The following VPS37A variants were observed in gnomAD, a reference collection of about 807,000 sequenced individuals.
VPS37A encodes VPS37A subunit of ESCRT-I, also known as vacuolar protein sorting-associated protein 37A.
VPS37A carries 30 observed loss-of-function variants against 49.8 expected under a neutral mutation model. The observed-to-expected ratio is 0.60, with a 90% CI of 0.45 to 0.82. The LOEUF (loss-of-function observed/expected upper bound fraction) is 0.82. Among genes scored for constraint, VPS37A ranks in the 40% least tolerant of loss-of-function variants. The pLI, the probability that VPS37A is intolerant of heterozygous loss-of-function variation, is 0.00. For missense variants in VPS37A, 593 were observed against 464.4 expected (o/e 1.28, Z -2.55); for synonymous variants, 195 against 160.6 (o/e 1.21, Z -1.62).
rs143706348 is a variant in VPS37A at position 17,276,221 on chromosome 8, A to C, written c.643-176A>C. 6.6e-5 allele frequency among the ~76,000 whole-genome samples: 10 copies of C among 152,292 alleles called. No homozygotes were observed. The East Asian group carries it at 1.7e-3, about 26-fold the overall frequency. On this transcript the variant is annotated intron_variant, in intron 5 of 11. Transcript: ENST00000324849. Reference sequence around the variant, plus strand: ...AAGTAATCCTATGTATACGACGCTGAAAAGAAGACAGACTGAAGGAAGAAG... The same window carrying C: ...AAGTAATCCTATGTATACGACGCTGCAAAGAAGACAGACTGAAGGAAGAAG...
chr8:17,253,120 A>T (rs964745273), intron 1 of VPS37A, among the ~76,000 whole-genome samples: 2 of 152,026 alleles, frequency 1.3e-5, no homozygotes, highest in African/African-American at 4.8e-5. Flanking sequence ...TTACTGCTTT[A>T]AAAAAAAGTT....
At chr8:17,321,889 T>G in the VPS37A span, among the ~76,000 whole-genome samples, 1 of 152,164 alleles carries the variant, frequency 6.6e-6, no homozygotes, top group Non-Finnish European at 1.5e-5. Context: ...ACAAAAGATA[T>G]AATTTTAGGA....
At chr8:17,331,080 C>A in the VPS37A span, 8 of 1,519,408 alleles carry the variant, frequency 5.3e-6, no homozygotes, top group Middle Eastern at 5.1e-4. Flanking sequence ...AAAATCAAGA[C>A]TATCTTATTC....
intron 1 of VPS37A, among the ~76,000 whole-genome samples, chr8:17,261,157 C>G (rs1812925999): frequency 6.6e-6 from 1 of 152,124 alleles, no homozygotes; most frequent in Non-Finnish European, 1.5e-5. Flanking sequence ...GTCTTCATTT[C>G]TTTTCAGTCT....
chr8:17,303,685 C>T (rs1472873658), downstream of VPS37A, among the ~76,000 whole-genome samples: 1 of 151,710 alleles, frequency 6.6e-6, no homozygotes, highest in Non-Finnish European at 1.5e-5. Flanking sequence ...TCTCGGCTCA[C>T]CGCAACCTCC....
At chr8:17,266,318 A>G (rs1350897622) in intron 2 of VPS37A, among the ~76,000 whole-genome samples, 1 of 152,202 alleles carries the variant, frequency 6.6e-6, no homozygotes, top group East Asian at 1.9e-4. Context: ...GCCGTTAGAG[A>G]TAGATTCACC....
the VPS37A span, among the ~76,000 whole-genome samples, chr8:17,312,571 T>A: frequency 4.9e-5 from 2 of 40,938 alleles, no homozygotes; most frequent in African/African-American, 1.1e-4. Flanking sequence ...CGAGACTCCC[T>A]CTCAAAAAAA....
At chr8:17,322,042 G>A in the VPS37A span, among the ~76,000 whole-genome samples, 2 of 152,122 alleles carry the variant, frequency 1.3e-5, no homozygotes, top group Admixed American at 6.5e-5. Flanking sequence ...TTTGAACCCT[G>A]TGGGGTTGGT....
At chr8:17,332,349 A>G in the VPS37A span, among the ~76,000 whole-genome samples, 672 of 152,364 alleles carry the variant, frequency 4.4e-3, 5 homozygotes, top group African/African-American at 0.015. Flanking sequence ...ACAAAATTAA[A>G]AGTACCAGCA....
chr8:17,303,260 T>C (rs1817244062), downstream of VPS37A, among the ~76,000 whole-genome samples: 1 of 152,196 alleles, frequency 6.6e-6, no homozygotes. Context: ...TCAACAGCTC[T>C]TAAAACTTGT....
At chr8:17,250,930 C>T (rs1271791220) in intron 1 of VPS37A, among the ~76,000 whole-genome samples, 2 of 152,138 alleles carry the variant, frequency 1.3e-5, no homozygotes, top group African/African-American at 4.8e-5. Context: ...CTCCTGGGCT[C>T]AAGTAATATG....
chr8:17,302,489 A>G (rs1817182377), downstream of VPS37A: 1 of 490,422 alleles, frequency 2.0e-6, no homozygotes, highest in Non-Finnish European at 3.5e-6. Flanking sequence ...GAATAAGTTT[A>G]TGAAAAGTCT....
downstream of VPS37A, chr8:17,299,521 T>A: frequency 9.9e-6 from 2 of 201,522 alleles, no homozygotes; most frequent in South Asian, 2.3e-4. Flanking sequence ...GGGAAAGGAG[T>A]GGAGGCTTTT....
At chr8:17,323,961 C>A in the VPS37A span, among the ~76,000 whole-genome samples, 24 of 152,274 alleles carry the variant, frequency 1.6e-4, no homozygotes, top group Admixed American at 3.3e-4. Context: ...TGTCTCAGTG[C>A]ACTGCAAAAT....
the VPS37A span, chr8:17,331,134 T>A: frequency 1.2e-6 from 2 of 1,607,376 alleles, no homozygotes; most frequent in Non-Finnish European, 8.5e-7. Context: ...ATGCTGTGCA[T>A]AAGGAAATGG....
At chr8:17,276,353 A>G (rs780400159) in intron 5 of VPS37A, 44 bp from the exon 6 acceptor site, 1 of 1,549,740 alleles carries the variant, frequency 6.5e-7, no homozygotes, top group African/African-American at 1.4e-5. Flanking sequence ...AGAGCAGTCA[A>G]AAATAATGGC....
At chr8:17,266,310 C>T (rs1563253981) in intron 2 of VPS37A, among the ~76,000 whole-genome samples, 2 of 151,938 alleles carry the variant, frequency 1.3e-5, no homozygotes, top group South Asian at 4.1e-4. Flanking sequence ...TATATAAAGC[C>T]GTTAGAGATA....
At chr8:17,265,584 G>A (rs557358739) in intron 1 of VPS37A, among the ~76,000 whole-genome samples, 4 of 152,170 alleles carry the variant, frequency 2.6e-5, no homozygotes, top group Admixed American at 1.3e-4. Flanking sequence ...TGTATTAACC[G>A]GAGAGCACAC....
rs1256639256 is a variant in VPS37A, at chr8:17,297,437, T to G, written c.*2451T>G. On this transcript the variant is annotated 3_prime_UTR_variant, in exon 12 of 12. Transcript: ENST00000324849. The stretch of plus-strand genomic sequence containing the variant: ...CAGATTCATTTTTAGGAGAAGAAAG[T>G]AAACTAATGTGCTCTTAAAGAATAA... 6.6e-6 allele frequency: 1 copy of G among 151,590 alleles called. No individual in the cohort carries two copies. The highest frequency in any genetic ancestry group is 1.5e-5 in the Non-Finnish European group (1 of 67,700). 9.4% of individuals were successfully genotyped at this position (151,590 alleles called of 1,614,324 possible). A position where few individuals can be genotyped will look rare whatever the true frequency, so the allele number is the denominator to read the frequency against.
Sources: gnomAD v4.1 joint callset for allele counts (sites outside exome capture counted in the v4.1 genomes callset) on GRCh38, gnomAD v4.1.1 for gene constraint, MANE v1.5 for transcripts, NCBI Gene and HGNC (gene_info 2026-07-23, HGNC 2026-07-21) for gene names.